CLCA1: variants seen among roughly 807,000 people sequenced by gnomAD.
The protein encoded by CLCA1 is chloride channel accessory 1.
In CLCA1, 59 loss-of-function variants were observed where a neutral mutation model predicts 85.6. The ratio of observed to expected loss-of-function variants is 0.69; its 90% confidence interval spans 0.56 to 0.86. The LOEUF is 0.86. CLCA1 is among the 40% of genes least tolerant of loss of function. CLCA1 has a pLI of 0.00. For missense variants in CLCA1, 1,022 were observed against 1,101.4 expected, an observed-to-expected ratio of 0.93 and a Z score of 1.02; for synonymous variants, 396 against 398.3, an observed-to-expected ratio of 0.99 and a Z score of 0.07.
intron 10 of CLCA1, 31 bp from the exon 11 acceptor site, chr1:86,494,156 C>T: frequency 6.2e-7 from 1 of 1,610,810 alleles, no homozygotes; most frequent in Non-Finnish European, 8.5e-7. Context: ...TGAAGTTATT[C>T]ATTGGAAATG....
chr1:86,469,074 A>G lies in CLCA1; in HGVS notation c.103A>G (p.Ile35Val), dbSNP rs143108847. Residue 35 changes from isoleucine (I) to valine (V), a missense_variant, in exon 1 of 14, where the codon ATT (isoleucine) becomes GTT (valine). Physicochemically the swap from Ile to Val is conservative, Grantham distance 29. Coordinates refer to ENST00000394711, the MANE Select transcript of CLCA1 (RefSeq NM_001285.4). ...IQLNNNGYEG[I>V]VVAIDPNVPE... ...GCTGAACAACAATGGCTATGAAGGC[A>G]TTGTCGTTGCAATCGACCCCAATGT... is the stretch of plus-strand genomic sequence containing the variant. 28 of 1,612,816 alleles carry G rather than the reference A, an allele frequency of 1.7e-5. No individual in the cohort carries two copies. In the African/African-American group the frequency reaches 3.3e-4, roughly 19 times the overall value.
intron 9 of CLCA1, among the ~76,000 whole-genome samples, chr1:86,492,820 A>G (rs12729196): frequency 6.6e-6 from 1 of 152,244 alleles, no homozygotes. Context: ...AAAATAAGTC[A>G]CAGTGAGTCC....
intron 4 of CLCA1, among the ~76,000 whole-genome samples, chr1:86,479,472 A>G (rs949715664): frequency 8.5e-5 from 13 of 152,198 alleles, no homozygotes; most frequent in African/African-American, 3.1e-4. Flanking sequence ...TTTTTACCTC[A>G]TTAAAAAAAT....
chr1:86,483,061 G>A (rs1647863280), intron 5 of CLCA1, among the ~76,000 whole-genome samples: 1 of 152,044 alleles, frequency 6.6e-6, no homozygotes, highest in African/African-American at 2.4e-5. Context: ...TTTTCCTTTT[G>A]GAATAGAGGG....
chr1:86,482,478 A>G, intron 5 of CLCA1, 96 bp downstream of exon 5: 1 of 1,182,670 alleles, frequency 8.5e-7, no homozygotes, highest in Non-Finnish European at 1.2e-6. Context: ...GTTTAGAGAA[A>G]TCATCAGTGA....
At chr1:86,498,873 C>T (rs555941051) in intron 13 of CLCA1, 62 bp downstream of exon 13, 95 of 1,553,736 alleles carry the variant, frequency 6.1e-5, no homozygotes, top group Middle Eastern at 1.7e-4. Flanking sequence ...AGAGCAGAAG[C>T]GGGTGAGGCA....
intron 9 of CLCA1, among the ~76,000 whole-genome samples, chr1:86,492,205 A>C (rs935767112): frequency 2.0e-5 from 3 of 152,180 alleles, no homozygotes; most frequent in Non-Finnish European, 4.4e-5. Context: ...ATAATGAGAG[A>C]TTTTGAAACC....
Position 86,473,419 on chromosome 1 carries a change from C to T in CLCA1, c.165C>T (p.Asp55=), listed in dbSNP as rs1647554028. The T allele has an allele frequency of 1.9e-6, 3 of 1,560,852 alleles. No homozygotes were observed. Among genetic ancestry groups the T allele is most frequent in the African/African-American group, 2.7e-5 (2 of 73,542 alleles). ...GTATGTTTTCTTTTTCTTCCCAGGA[C>T]ATGGTGACCCAGGCATCTCTGTATC... is the stretch of plus-strand genomic sequence containing the variant. The part of the protein sequence containing the change: ...EDETLIQQIK[D]MVTQASLYLL... The change falls in exon 2 of 14, where the codon GAC becomes GAT. Residue 55 remains aspartate, a splice_region_variant and synonymous_variant. Coordinates refer to ENST00000394711, the MANE Select transcript of CLCA1 (RefSeq NM_001285.4).
At chr1:86,499,054 A>G (rs1024109141) in intron 13 of CLCA1, among the ~76,000 whole-genome samples, 2 of 152,236 alleles carry the variant, frequency 1.3e-5, no homozygotes, top group Non-Finnish European at 2.9e-5. Context: ...TGTTTCTGAA[A>G]TCTTACCAAA....
chr1:86,492,432 C>CGG (rs777668093), intron 9 of CLCA1, among the ~76,000 whole-genome samples: 4 of 151,358 alleles, frequency 2.6e-5, no homozygotes, highest in African/African-American at 9.7e-5. Context: ...AGAAACCTAA[C>CGG]AGAGAGAGAG....
At chr1:86,471,937 A>G (rs1308076380) in intron 1 of CLCA1, among the ~76,000 whole-genome samples, 1 of 150,326 alleles carries the variant, frequency 6.7e-6, no homozygotes, top group African/African-American at 2.5e-5. Flanking sequence ...TCCTAACACG[A>G]CCCCCACTAG....
intron 12 of CLCA1, among the ~76,000 whole-genome samples, chr1:86,496,115 T>C (rs1038818758): frequency 3.9e-5 from 6 of 152,186 alleles, no homozygotes; most frequent in East Asian, 1.9e-4. Flanking sequence ...AGCTACCTCA[T>C]AGGATGGTCA....
At position 86,486,693 on chromosome 1, in the gene CLCA1, A is replaced by G. The variant is rs1448905061; in HGVS notation, c.1122A>G (p.Arg374=). 19 of 1,614,028 alleles carry G rather than the reference A, an allele frequency of 1.2e-5. No individual in the cohort carries two copies. The highest frequency in any genetic ancestry group is 1.4e-5 in the Non-Finnish European group (17 of 1,180,044). Residue 374 remains arginine, a synonymous_variant, in exon 7 of 14, where the codon AGA becomes AGG. Transcript: ENST00000394711. ...GTGACAGGGACACACTCGCCAAAAG[A>G]TTACCTGCAGCAGCTTCAGGAGGGA... is the stretch of plus-strand genomic sequence containing the variant. The part of the protein sequence containing the change: ...SGSDRDTLAK[R]LPAAASGGTS...
At chr1:86,491,453 G>A (rs1204516592) in intron 9 of CLCA1, 82 bp downstream of exon 9, 1 of 873,006 alleles carries the variant, frequency 1.1e-6, no homozygotes. Context: ...AAAGTTTTAA[G>A]TTTTCCACTC....
At chr1:86,473,973 G>C in intron 3 of CLCA1, 97 bp downstream of exon 3, 1 of 815,920 alleles carries the variant, frequency 1.2e-6, no homozygotes, top group Non-Finnish European at 1.8e-6. Context: ...GCATGTATAA[G>C]CCAAACAATT....
intron 5 of CLCA1, among the ~76,000 whole-genome samples, chr1:86,483,139 G>T (rs1301397915): frequency 6.6e-6 from 1 of 152,108 alleles, no homozygotes; most frequent in African/African-American, 2.4e-5. Flanking sequence ...ATGCACCATG[G>T]CTCACCAGGC....
chr1:86,486,768 T>C lies in CLCA1; in HGVS notation c.1182+15T>C, dbSNP rs764940063. On this transcript the variant is annotated intron_variant, in intron 7 of 13. Transcript: ENST00000394711. The stretch of plus-strand genomic sequence containing the variant: ...CGGCATTTACTGTGAGATGTGTTTT[T>C]CTATTGTAGTTTGGAATGTTTGCAA... 2 of 1,610,272 alleles carry C rather than the reference T, an allele frequency of 1.2e-6. No individual in the cohort carries two copies. Among genetic ancestry groups the C allele is most frequent in the East Asian group, 2.2e-5 (1 of 44,878 alleles).
intron 4 of CLCA1, 88 bp from the exon 5 acceptor site, chr1:86,482,117 G>A: frequency 1.0e-6 from 1 of 959,412 alleles, no homozygotes; most frequent in Non-Finnish European, 1.6e-6. Flanking sequence ...GAAAATCACA[G>A]AAAGGCAATC....
intron 4 of CLCA1, among the ~76,000 whole-genome samples, chr1:86,481,509 A>G (rs1647822215): frequency 6.6e-6 from 1 of 152,188 alleles, no homozygotes; most frequent in Non-Finnish European, 1.5e-5. Flanking sequence ...AGCAGGAAAC[A>G]AAGCTATCTG....
Sources: gnomAD v4.1 joint callset for allele counts (sites outside exome capture counted in the v4.1 genomes callset) on GRCh38, gnomAD v4.1.1 for gene constraint, MANE v1.5 for transcripts, NCBI Gene and HGNC (gene_info 2026-07-23, HGNC 2026-07-21) for gene names.